The following PAK3 variants were observed in gnomAD, a reference collection of about 807,000 sequenced individuals.
PAK3 encodes p21 (RAC1) activated kinase 3.
PAK3 carries 4 observed loss-of-function variants against 41.0 expected under a neutral mutation model. The ratio of observed to expected loss-of-function variants is 0.10; its 90% confidence interval spans 0.05 to 0.22. The LOEUF is 0.22. PAK3 is among the 10% of genes least tolerant of loss of function. PAK3 has a pLI of 1.00. For synonymous variants in PAK3, 146 were observed against 139.6 expected (o/e 1.05, Z -0.32); for missense variants, 205 against 409.9 (o/e 0.50, Z 4.32).
At chrX:110,948,847 A>T (rs550660342) in intron 1 of PAK3, among the ~76,000 whole-genome samples, 1 of 112,282 alleles carries the variant, frequency 8.9e-6, no homozygotes, top group Non-Finnish European at 1.9e-5. Context: ...TGACTTTAAG[A>T]CTGTGTGATG....
At chrX:111,123,408 G>T in intron 5 of PAK3, 130 bp downstream of exon 5, 1 of 518,638 alleles carries the variant, frequency 1.9e-6, no homozygotes, top group Non-Finnish European at 3.3e-6. Flanking sequence ...TACGTCTTCA[G>T]AGGTTGCATT....
chrX:110,971,047 C>G (rs996216944), intron 1 of PAK3, among the ~76,000 whole-genome samples: 1 of 112,251 alleles, frequency 8.9e-6, no homozygotes, highest in Non-Finnish European at 1.9e-5. Context: ...CAGTCTTTCA[C>G]CATTGTGATG....
At position 111,222,171 on chromosome X, in the gene PAK3, T is replaced by TA. The variant is rs1270155711; in HGVS notation, c.*1725dup. 1 of 112,207 alleles carries TA rather than the reference T, an allele frequency of 8.9e-6. No homozygotes were observed. The highest frequency in any genetic ancestry group is 1.9e-5 in the Non-Finnish European group (1 of 53,212). The allele number at this position is 112,207 out of a possible 1,213,427, so 9.2% of individuals were successfully genotyped here. On this transcript the variant is annotated 3_prime_UTR_variant, in exon 18 of 18. Transcript: ENST00000372007. ...AGTATAAAAGAATCTAAACAGAACT[T>TA]ATGTACATTCAGCCAGAAGGGGAAA...
At chrX:111,003,822 A>C (rs1380259452) in intron 1 of PAK3, among the ~76,000 whole-genome samples, 3 of 111,755 alleles carry the variant, frequency 2.7e-5, no homozygotes, top group African/African-American at 9.8e-5. Context: ...ATCCAGAACA[A>C]ATTTCACAAA....
intron 1 of PAK3, among the ~76,000 whole-genome samples, chrX:111,047,057 A>G (rs1271860947): frequency 8.9e-6 from 1 of 112,290 alleles, no homozygotes; most frequent in African/African-American, 3.2e-5. Context: ...TCTGAGGTAA[A>G]TGCCATAAAG....
chrX:111,135,340 T>C (rs142337295), intron 5 of PAK3, among the ~76,000 whole-genome samples: 3,187 of 111,551 alleles, frequency 0.029, 122 homozygotes, highest in African/African-American at 0.099. Flanking sequence ...ATGAAATAAT[T>C]AGGCTTGATT....
At chrX:111,103,910 C>T (rs2093198568) in intron 4 of PAK3, among the ~76,000 whole-genome samples, 1 of 111,853 alleles carries the variant, frequency 8.9e-6, no homozygotes, top group African/African-American at 3.3e-5. Flanking sequence ...CAGGGTAGCA[C>T]TTGCTGCCCT....
At chrX:111,182,742 G>A (rs1389750127) in intron 11 of PAK3, among the ~76,000 whole-genome samples, 3 of 110,914 alleles carry the variant, frequency 2.7e-5, no homozygotes, top group Non-Finnish European at 5.7e-5. Context: ...TTAGTATAGT[G>A]AGACAATATC....
At chrX:111,190,912 C>CT (rs1458570120) in intron 11 of PAK3, among the ~76,000 whole-genome samples, 1 of 111,914 alleles carries the variant, frequency 8.9e-6, no homozygotes, top group Non-Finnish European at 1.9e-5. Context: ...GCGAAATTGA[C>CT]TTTTTTTCTT....
At chrX:111,015,092 G>A (rs2092068635) in intron 1 of PAK3, among the ~76,000 whole-genome samples, 1 of 110,693 alleles carries the variant, frequency 9.0e-6, no homozygotes, top group African/African-American at 3.3e-5. Context: ...ACTAGCAAGT[G>A]TAACTGGTAA....
In PAK3 at chrX:111,084,617, G is replaced by A. The variant is rs572150618; in HGVS notation, c.-27-38460G>A. Among the ~76,000 whole-genome samples, 5 of 111,822 alleles carry A rather than the reference G, an allele frequency of 4.5e-5. No individual in the cohort carries two copies. In the East Asian group the frequency reaches 1.4e-3, roughly 31 times the overall value. On this transcript the variant is annotated intron_variant, in intron 1 of 14. Coordinates refer to the PAK3 transcript ENST00000425146. Reference sequence around the variant, plus strand: ...GGGCCTGCCTCCCTTGCTGCGATGTGGATGGATGACACCCATTTTTTTTCT... The same window carrying A: ...GGGCCTGCCTCCCTTGCTGCGATGTAGATGGATGACACCCATTTTTTTTCT...
intron 1 of PAK3, among the ~76,000 whole-genome samples, chrX:111,084,595 C>T (rs2092863914): frequency 8.9e-6 from 1 of 111,891 alleles, no homozygotes; most frequent in South Asian, 3.7e-4. Context: ...TACTTTGGGG[C>T]CTGCCTCCCT....
intron 15 of PAK3, 23 bp from the exon 16 acceptor site, chrX:111,196,421 T>A (rs748807262): frequency 5.1e-6 from 6 of 1,182,170 alleles, no homozygotes; most frequent in Non-Finnish European, 6.9e-6. Context: ...GGGCTTATTT[T>A]AACTGGCTTT....
intron 7 of PAK3, among the ~76,000 whole-genome samples, chrX:111,150,745 C>T (rs912932131): frequency 8.9e-6 from 1 of 111,810 alleles, no homozygotes; most frequent in Non-Finnish European, 1.9e-5. Context: ...GGTGGGGACA[C>T]AGGCAAACCA....
chrX:110,981,791 T>G lies in PAK3; in HGVS notation c.-28+37163T>G, dbSNP rs189552931. ...GCCTGTACTTCTGACCCACAGAAAC[T>G]GTACAAAAATAAATTTGTGTGTTTT... is the stretch of plus-strand genomic sequence containing the variant. On this transcript the variant is annotated intron_variant, in intron 1 of 14. Transcript: ENST00000425146. 1.9e-3 allele frequency among the ~76,000 whole-genome samples: 213 copies of G among 111,615 alleles called. 1 individual carries two copies. Among genetic ancestry groups the G allele is most frequent in the African/African-American group, 6.7e-3 (207 of 30,672 alleles).
intron 1 of PAK3, among the ~76,000 whole-genome samples, chrX:111,078,290 T>C (rs2092804781): frequency 9.2e-6 from 1 of 108,887 alleles, no homozygotes; most frequent in African/African-American, 3.3e-5. Flanking sequence ...TTTTTACAAA[T>C]TGAAGGTTTG....
intron 13 of PAK3, among the ~76,000 whole-genome samples, chrX:111,193,348 CT>C (rs758912089): frequency 0.045 from 3,887 of 86,121 alleles, 234 homozygotes; most frequent in African/African-American, 0.15. Context: ...TTTTACAGTC[CT>C]TTTTTTTTTT....
chrX:111,145,038 T>C (rs1160287454), intron 6 of PAK3: 2 of 454,677 alleles, frequency 4.4e-6, no homozygotes, highest in Non-Finnish European at 7.9e-6. Flanking sequence ...TACTTCTAGT[T>C]GGTATCCTAT....
At chrX:111,136,660 A>T (rs774388458) in intron 5 of PAK3, among the ~76,000 whole-genome samples, 1 of 112,124 alleles carries the variant, frequency 8.9e-6, no homozygotes, top group East Asian at 2.8e-4. Context: ...AGCACTTGAA[A>T]CAATTAGCAG....
Sources: allele counts gnomAD v4.1 joint callset (sites outside exome capture counted in the v4.1 genomes callset), GRCh38; gene constraint gnomAD v4.1.1; transcripts MANE v1.5; gene names NCBI Gene and HGNC (gene_info 2026-07-23, HGNC 2026-07-21).